Variants in UBE2J2 observed in about 807,000 individuals in gnomAD.
UBE2J2 encodes the protein ubiquitin conjugating enzyme E2 J2.
In UBE2J2, 5 loss-of-function variants were observed where a neutral mutation model predicts 28.6. The ratio of observed to expected loss-of-function variants is 0.17; its 90% CI spans 0.09 to 0.37. The LOEUF is 0.37. Ranked by LOEUF, UBE2J2 falls within the 10% of genes least tolerant of loss-of-function variation. The pLI is 1.00. For missense variants in UBE2J2, 226 were observed against 338.9 expected, an observed-to-expected ratio of 0.67 and a Z score of 2.62; for synonymous variants, 138 against 139.7, an observed-to-expected ratio of 0.99 and a Z score of 0.09.
chr1:1,268,025 AAGCAGCG>A lies in UBE2J2; in HGVS notation c.1-40_1-34del, dbSNP rs778820701. 6.2e-6 allele frequency: 10 copies of A among 1,608,558 alleles called. No homozygotes were observed. The highest frequency in any genetic ancestry group is 7.7e-6 in the Non-Finnish European group (9 of 1,175,978). The stretch of plus-strand genomic sequence containing the variant: ...AAGCAACGTCTACACTGACGACGAG[AAGCAGCG>A]CCGGCCACAGCTCTCTCCCCTGGCG... On this transcript the variant is annotated intron_variant, in intron 1 of 6. Coordinates refer to ENST00000349431, the MANE Select transcript of UBE2J2 (RefSeq NM_058167.3). The surrounding 1 kb of genome is among the most constrained non-coding windows in gnomAD (Gnocchi z 4.7).
intron 3 of UBE2J2, among the ~76,000 whole-genome samples, chr1:1,258,943 C>A (rs1442922717): frequency 6.6e-6 from 1 of 152,258 alleles, no homozygotes; most frequent in East Asian, 1.9e-4. Context: ...CAGAGGACCA[C>A]AAGTGCACAA....
chr1:1,267,126 T>C (rs1181360098), intron 2 of UBE2J2, among the ~76,000 whole-genome samples: 1 of 152,010 alleles, frequency 6.6e-6, no homozygotes, highest in Non-Finnish European at 1.5e-5. Context: ...TGACCTCAGG[T>C]GATCCGCCCG....
In UBE2J2 at chr1:1,254,078, T is replaced by G. The variant is rs1411261661; in HGVS notation, c.*1125A>C. 6.6e-6 allele frequency: 1 copy of G among 151,838 alleles called. No individual in the cohort carries two copies. Among genetic ancestry groups the G allele is most frequent in the Admixed American group, 6.6e-5 (1 of 15,264 alleles). The allele number at this position is 151,838 out of a possible 1,614,324, so 9.4% of individuals were successfully genotyped here. ...CACGCCCGCCTCCGGACAGGGTGGG[T>G]TTCTTGCCGGCGGCCGTGCCCCACC... On this transcript the variant is annotated 3_prime_UTR_variant, in exon 7 of 7. Transcript: ENST00000349431.
intron 3 of UBE2J2, among the ~76,000 whole-genome samples, chr1:1,262,016 C>T (rs367611004): frequency 3.3e-5 from 5 of 152,268 alleles, no homozygotes; most frequent in African/African-American, 1.2e-4. Flanking sequence ...CACTACCACA[C>T]CCGGCTAATT....
chr1:1,263,377 G>C lies in UBE2J2; in HGVS notation c.141C>G (p.Val47=). Residue 47 remains valine (V), a synonymous_variant, in exon 3 of 7, where the codon GTC becomes GTG. Transcript: ENST00000349431. Reference sequence around the variant, plus strand: ...AAGGGGTCATCTCTGGGCCTCGGACGACATAGTGCCTAAGGGAGAGAAGAA... The same window carrying C: ...AAGGGGTCATCTCTGGGCCTCGGACCACATAGTGCCTAAGGGAGAGAAGAA... ...LPSNILEWHY[V]VRGPEMTPYE... 1 of 1,613,190 alleles carries C rather than the reference G, an allele frequency of 6.2e-7. No individual in the cohort carries two copies. Among genetic ancestry groups the C allele is most frequent in the South Asian group, 1.1e-5 (1 of 91,062 alleles).
chr1:1,262,301 G>A, intron 3 of UBE2J2: 1 of 455,892 alleles, frequency 2.2e-6, no homozygotes, highest in Non-Finnish European at 4.4e-6. Flanking sequence ...CGCTGGTCAT[G>A]GGCAATGACA....
chr1:1,273,670 C>T lies in UBE2J2; in HGVS notation c.-5G>A, dbSNP rs977420530. On this transcript the variant is annotated 5_prime_UTR_variant, in exon 1 of 7. Coordinates refer to ENST00000349431, the MANE Select transcript of UBE2J2 (RefSeq NM_058167.3). ...CAGGCCTGCGAGCGCGCTCACCTCT[C>T]CCTGTCGCTGCGCGTGGGCCGCCGC... 4.6e-5 allele frequency: 7 copies of T among 152,272 alleles called. No homozygotes were observed. The highest frequency in any genetic ancestry group is 1.7e-4 in the African/African-American group (7 of 41,400). 9.4% of individuals were successfully genotyped at this position (152,272 alleles called of 1,614,324 possible).
In UBE2J2 at chr1:1,255,491, A is replaced by C. The variant is rs369524079; in HGVS notation, c.496-4T>G. Reference sequence around the variant, plus strand: ...CTTTCTGTTTTTGTTTAATCTCCTAAGAGAAAAACAGCGAGAAAAGCAGCT... The same window carrying C: ...CTTTCTGTTTTTGTTTAATCTCCTACGAGAAAAACAGCGAGAAAAGCAGCT... On this transcript the variant is annotated splice_polypyrimidine_tract_variant and splice_region_variant and intron_variant, in intron 6 of 6. Coordinates refer to ENST00000349431, the MANE Select transcript of UBE2J2 (RefSeq NM_058167.3). 6.2e-7 allele frequency: 1 copy of C among 1,601,228 alleles called. No individual in the cohort carries two copies. The highest frequency in any genetic ancestry group is 1.3e-5 in the African/African-American group (1 of 74,484).
At chr1:1,261,651 GTTTTTT>G (rs59207041) in intron 3 of UBE2J2, among the ~76,000 whole-genome samples, 1 of 138,116 alleles carries the variant, frequency 7.2e-6, no homozygotes, top group East Asian at 2.0e-4. Context: ...ACCCATTTTG[GTTTTTT>G]TTTTTTTTTT....
At chr1:1,257,660 G>C (rs776228325) in intron 3 of UBE2J2, among the ~76,000 whole-genome samples, 1 of 151,366 alleles carries the variant, frequency 6.6e-6, no homozygotes, top group Non-Finnish European at 1.5e-5. Flanking sequence ...GGAGCAGAGG[G>C]GTCGGAAGAG....
In UBE2J2 at chr1:1,257,149, G is replaced by A. The variant is rs776241241; in HGVS notation, c.276-19C>T. On this transcript the variant is annotated intron_variant, in intron 4 of 6. Coordinates refer to ENST00000349431, the MANE Select transcript of UBE2J2 (RefSeq NM_058167.3). ...ACACAGCCTGCAAAACGGGGGCCCC[G>A]TCAGTGCACACTCCCCACCGCAGCC... 3.6e-5 allele frequency: 58 copies of A among 1,608,348 alleles called. No individual in the cohort carries two copies. Among genetic ancestry groups the A allele is most frequent in the South Asian group, 2.6e-4 (24 of 90,588 alleles).
chr1:1,267,735 CG>C, intron 2 of UBE2J2, 126 bp downstream of exon 2: 1 of 1,532,582 alleles, frequency 6.5e-7, no homozygotes, highest in Non-Finnish European at 8.8e-7. Context: ...CCACTCACCC[CG>C]GGGGAGGGTG....
rs1311719238 is a variant in UBE2J2, at chr1:1,268,188, T to G, written c.1-196A>C. On this transcript the variant is annotated intron_variant, in intron 1 of 6. Coordinates refer to ENST00000349431, the MANE Select transcript of UBE2J2 (RefSeq NM_058167.3). The surrounding 1 kb of genome is among the most constrained non-coding windows in gnomAD (Gnocchi z 4.7). ...GCCCTGCGGCTTCTCTCTTCCCGTC[T>G]GTCCCGCCACCACCTTCATTGACAC... Among the ~76,000 whole-genome samples, 1 of 152,126 alleles carries G rather than the reference T, an allele frequency of 6.6e-6. No individual in the cohort carries two copies. Among genetic ancestry groups the G allele is most frequent in the Non-Finnish European group, 1.5e-5 (1 of 68,024 alleles).
At chr1:1,266,814 A>G (rs1489416268) in intron 2 of UBE2J2, among the ~76,000 whole-genome samples, 1 of 152,236 alleles carries the variant, frequency 6.6e-6, no homozygotes, top group Non-Finnish European at 1.5e-5. Context: ...GTGACAGTGC[A>G]AGACTGTCTC....
intron 3 of UBE2J2, chr1:1,262,294 T>C (rs1475949277): frequency 2.2e-6 from 1 of 455,572 alleles, no homozygotes; most frequent in Non-Finnish European, 4.4e-6. Context: ...TCCCCAACGC[T>C]GGTCATGGGC....
At chr1:1,265,282 C>T (rs1483340823) in intron 2 of UBE2J2, among the ~76,000 whole-genome samples, 3 of 152,184 alleles carry the variant, frequency 2.0e-5, no homozygotes, top group Admixed American at 6.5e-5. Flanking sequence ...CTCGCACTGA[C>T]GCTGCTGTCC....
chr1:1,259,735 C>A (rs554264025), intron 3 of UBE2J2, among the ~76,000 whole-genome samples: 2 of 152,170 alleles, frequency 1.3e-5, no homozygotes, highest in African/African-American at 2.4e-5. Flanking sequence ...ACGGACCCCA[C>A]GCCCCACATG....
intron 3 of UBE2J2, among the ~76,000 whole-genome samples, chr1:1,258,591 T>G (rs1377586846): frequency 6.6e-6 from 1 of 152,164 alleles, no homozygotes; most frequent in Non-Finnish European, 1.5e-5. Flanking sequence ...TCCCCCACCC[T>G]GCACCCACGG....
At chr1:1,261,651 GTTTTT>G in intron 3 of UBE2J2, among the ~76,000 whole-genome samples, 1 of 138,112 alleles carries the variant, frequency 7.2e-6, no homozygotes, top group Admixed American at 7.3e-5. Context: ...ACCCATTTTG[GTTTTT>G]TTTTTTTTTT....
Sources: allele counts gnomAD v4.1 joint callset (sites outside exome capture counted in the v4.1 genomes callset), GRCh38; gene constraint gnomAD v4.1.1; non-coding constraint Gnocchi (gnomAD v3.1); transcripts MANE v1.5; gene names NCBI Gene and HGNC (gene_info 2026-07-23, HGNC 2026-07-21).